MBNL2: variants seen among roughly 807,000 people sequenced by gnomAD.
The protein encoded by MBNL2 is muscleblind-like protein 2.
In MBNL2, 17 loss-of-function variants were observed where a neutral mutation model predicts 41.9. The ratio of observed to expected loss-of-function variants is 0.41; its 90% CI spans 0.28 to 0.61. The LOEUF (loss-of-function observed/expected upper bound fraction) is 0.61, where lower values mean the gene tolerates loss of function less well. Among genes scored for constraint, MBNL2 ranks in the 20% least tolerant of loss-of-function variants. The probability of loss-of-function intolerance (pLI) is 0.35; values close to 1 mark genes in which losing one functional copy is unlikely to be tolerated. For synonymous variants in MBNL2, 195 were observed against 182.9 expected (o/e 1.07, Z -0.53); for missense variants, 336 against 505.6 (o/e 0.66, Z 3.22).
the MBNL2 span, among the ~76,000 whole-genome samples, chr13:97,164,603 G>A: frequency 3.3e-5 from 5 of 152,124 alleles, 1 homozygote; most frequent in Non-Finnish European, 7.4e-5. Flanking sequence ...TATCACTATT[G>A]TGCTGTAGCC....
At position 97,334,038 on chromosome 13, in the gene MBNL2, T is replaced by G; in HGVS notation, c.175-238T>G. Among the ~76,000 whole-genome samples, 1 of 150,306 alleles carries G rather than the reference T, an allele frequency of 6.7e-6. No individual in the cohort carries two copies. The highest frequency in any genetic ancestry group is 1.5e-5 in the Non-Finnish European group (1 of 67,596). The stretch of plus-strand genomic sequence containing the variant: ...AGAGAGGGAGGGAGGGAGGGAAAAA[T>G]CCTCAGGAAGCTTCTCTACTTAACA... On this transcript the variant is annotated intron_variant, in intron 2 of 8. Coordinates refer to ENST00000679496, the MANE Select transcript of MBNL2 (RefSeq NM_001382683.1). This position sits in a 1 kb window ranked among gnomAD's most constrained non-coding sequence, Gnocchi z 5.3.
chr13:97,234,419 C>T (rs986643069), intron 1 of MBNL2, among the ~76,000 whole-genome samples: 5 of 152,152 alleles, frequency 3.3e-5, no homozygotes, highest in Non-Finnish European at 7.3e-5. Flanking sequence ...TCAAATTGAA[C>T]CTTGAACCAG....
chr13:97,297,198 A>T (rs2057130457), intron 2 of MBNL2, among the ~76,000 whole-genome samples: 1 of 152,012 alleles, frequency 6.6e-6, no homozygotes, highest in Non-Finnish European at 1.5e-5. Flanking sequence ...CATTTATGTC[A>T]TGGGCATTTA....
At chr13:97,212,934 C>T in the MBNL2 span, among the ~76,000 whole-genome samples, 1 of 152,150 alleles carries the variant, frequency 6.6e-6, no homozygotes, top group Non-Finnish European at 1.5e-5. Context: ...GGTCACTAGA[C>T]AGCTACCAAG....
Position 97,357,482 on chromosome 13 carries a change from G to T in MBNL2, c.859G>T (p.Ala287Ser). 6.2e-7 allele frequency: 1 copy of T among 1,613,726 alleles called. No individual in the cohort carries two copies. Among genetic ancestry groups the T allele is most frequent in the Non-Finnish European group, 8.5e-7 (1 of 1,179,732 alleles). The change falls in exon 7 of 9, where the codon GCC (alanine) becomes TCC (serine). Residue 287 changes from alanine (A) to serine (S), a missense_variant and splice_region_variant. Ala to Ser is a moderately conservative substitution (Grantham distance 99). Coordinates refer to ENST00000679496, the MANE Select transcript of MBNL2 (RefSeq NM_001382683.1). Reference protein sequence around the residue: ...KRPLEATVDLAFPPGALHPLP... With the variant: ...KRPLEATVDLSFPPGALHPLP... ...ATCTTATCGAATTCTTCATTTCTAG[G>T]CCTTTCCCCCTGGTGCTCTTCATCC...
chr13:97,254,991 A>C (rs1487694039), intron 1 of MBNL2, among the ~76,000 whole-genome samples: 3 of 152,238 alleles, frequency 2.0e-5, no homozygotes, highest in Non-Finnish European at 2.9e-5. Flanking sequence ...TTCTCCAACA[A>C]GGGTGAGTGA....
intron 3 of MBNL2, among the ~76,000 whole-genome samples, chr13:97,338,998 TGA>T (rs2061140581): frequency 2.0e-5 from 3 of 152,048 alleles, no homozygotes; most frequent in South Asian, 2.1e-4. Flanking sequence ...CATGTTTGCG[TGA>T]GAGTGTGTTG....
the MBNL2 span, among the ~76,000 whole-genome samples, chr13:97,161,507 C>A: frequency 3.9e-5 from 6 of 152,086 alleles, no homozygotes; most frequent in Non-Finnish European, 8.8e-5. Flanking sequence ...ACTGCACTGC[C>A]CTTAGTGCAG....
intron 1 of MBNL2, among the ~76,000 whole-genome samples, chr13:97,223,802 G>A (rs764262410): frequency 1.3e-5 from 2 of 152,186 alleles, no homozygotes; most frequent in East Asian, 1.9e-4. Flanking sequence ...GCAATGCCAC[G>A]TAGATTCTTC....
chr13:97,311,649 ATT>A (rs35624324), intron 2 of MBNL2, among the ~76,000 whole-genome samples: 2 of 150,228 alleles, frequency 1.3e-5, no homozygotes, highest in Non-Finnish European at 3.0e-5. Context: ...TTTAGAGGGG[ATT>A]TTTTTTCTTT....
In MBNL2 at chr13:97,301,676, G is replaced by A. The variant is rs149537388; in HGVS notation, c.174+25267G>A. On this transcript the variant is annotated intron_variant, in intron 2 of 8. Transcript: ENST00000679496. ...TGCTTCACTTGGCATTGAGTTCTCC[G>A]CCAGCCCCGGGGGAAAGAAACCCCA... 3.2e-3 allele frequency among the ~76,000 whole-genome samples: 490 copies of A among 152,216 alleles called. 5 individuals are homozygous for A. The highest frequency in any genetic ancestry group is 0.011 in the African/African-American group (459 of 41,544).
the MBNL2 span, among the ~76,000 whole-genome samples, chr13:97,158,351 T>C: frequency 0.021 from 3,267 of 151,956 alleles, 105 homozygotes; most frequent in African/African-American, 0.075. Context: ...AACCAGCTCC[T>C]GGATTCATTA....
chr13:97,362,564 T>C (rs555474382), intron 7 of MBNL2, among the ~76,000 whole-genome samples: 1 of 152,202 alleles, frequency 6.6e-6, no homozygotes, highest in African/African-American at 2.4e-5. Flanking sequence ...AATTAATCTG[T>C]CTGGAGCATG....
rs1268449859 is a variant in MBNL2, at chr13:97,278,029, G to A, written c.174+1620G>A. ...CCAGCACTCTGGGAGGCTGAAGTGG[G>A]CGGATCACGAGATCAGGGGTTTGAG... On this transcript the variant is annotated intron_variant, in intron 2 of 8. Coordinates refer to ENST00000679496, the MANE Select transcript of MBNL2 (RefSeq NM_001382683.1). Among the ~76,000 whole-genome samples, 3 of 152,030 alleles carry A rather than the reference G, an allele frequency of 2.0e-5. No individual in the cohort carries two copies. In the East Asian group the frequency reaches 5.8e-4, roughly 29 times the overall value.
At chr13:97,210,302 T>C in the MBNL2 span, among the ~76,000 whole-genome samples, 1 of 152,214 alleles carries the variant, frequency 6.6e-6, no homozygotes, top group Non-Finnish European at 1.5e-5. Context: ...AAAAATGTCA[T>C]CTGTGTTTCT....
Position 97,366,630 on chromosome 13 carries a change from G to C in MBNL2, c.1048+1459G>C, listed in dbSNP as rs756068184. The C allele has an allele frequency of 4.3e-6, 4 of 927,832 alleles. No homozygotes were observed. The highest frequency in any genetic ancestry group is 1.7e-5 in the African/African-American group (1 of 60,088). 57.5% of individuals were successfully genotyped at this position (927,832 alleles called of 1,614,324 possible). A position where few individuals can be genotyped will look rare whatever the true frequency, so the allele number is the denominator to read the frequency against. Reference sequence around the variant, plus strand: ...CTGATATTTAAAAAAAAAATTCTCGGTGAGAATTTTTTTTTCATGTTTATC... The same window carrying C: ...CTGATATTTAAAAAAAAAATTCTCGCTGAGAATTTTTTTTTCATGTTTATC... On this transcript the variant is annotated intron_variant, in intron 8 of 8. Transcript: ENST00000679496. The surrounding 1 kb of genome is among the most constrained non-coding windows in gnomAD (Gnocchi z 4.7).
chr13:97,229,423 T>C (rs2042089023), intron 1 of MBNL2, among the ~76,000 whole-genome samples: 1 of 152,146 alleles, frequency 6.6e-6, no homozygotes, highest in East Asian at 1.9e-4. Flanking sequence ...CCATCTTATA[T>C]ATTATTTAGC....
chr13:97,236,895 T>C (rs1239047925), intron 1 of MBNL2, among the ~76,000 whole-genome samples: 1 of 152,126 alleles, frequency 6.6e-6, no homozygotes, highest in African/African-American at 2.4e-5. Flanking sequence ...ATTTTTATTT[T>C]ATTCAAATGC....
chr13:97,190,643 C>G, the MBNL2 span, among the ~76,000 whole-genome samples: 2 of 152,210 alleles, frequency 1.3e-5, no homozygotes, highest in African/African-American at 4.8e-5. Context: ...GCCTGATATT[C>G]TCATCCATAA....
Sources: gnomAD v4.1 joint callset for allele counts (sites outside exome capture counted in the v4.1 genomes callset) on GRCh38, gnomAD v4.1.1 for gene constraint, Gnocchi (gnomAD v3.1) non-coding constraint, MANE v1.5 for transcripts, NCBI Gene and HGNC (gene_info 2026-07-23, HGNC 2026-07-21) for gene names.